DLC1: variants seen among roughly 807,000 people sequenced by gnomAD.
The protein encoded by DLC1 is DLC1 Rho GTPase activating protein.
In DLC1, 54 loss-of-function variants were observed where a neutral mutation model predicts 140.3. That is an observed-to-expected ratio of 0.38 (90% CI 0.31 to 0.48). The LOEUF is 0.48. Ranked by LOEUF, DLC1 falls within the 20% of genes least tolerant of loss-of-function variation. DLC1 has a pLI of 0.96. For missense variants in DLC1, 2,536 were observed against 1,907.0 expected, an observed-to-expected ratio of 1.33 and a Z score of -6.14; for synonymous variants, 986 against 728.1, an observed-to-expected ratio of 1.35 and a Z score of -5.70.
At chr8:13,365,217 A>G (rs1464795328) in intron 4 of DLC1, among the ~76,000 whole-genome samples, 2 of 152,180 alleles carry the variant, frequency 1.3e-5, no homozygotes, top group Non-Finnish European at 2.9e-5. Context: ...TTAAATTAGG[A>G]GAAAAATACT....
intron 5 of DLC1, among the ~76,000 whole-genome samples, chr8:13,165,185 G>T (rs1825021868): frequency 1.3e-5 from 2 of 152,108 alleles, no homozygotes; most frequent in South Asian, 2.1e-4. Context: ...TATAATGAAA[G>T]AATTATCTGA....
intron 5 of DLC1, among the ~76,000 whole-genome samples, chr8:13,121,067 G>C (rs1278842839): frequency 1.3e-5 from 2 of 152,104 alleles, no homozygotes; most frequent in South Asian, 2.1e-4. Flanking sequence ...ATCAGGCTTC[G>C]ATGCAAATGG....
At chr8:13,172,297 A>G (rs1340005863) in intron 5 of DLC1, among the ~76,000 whole-genome samples, 1 of 152,192 alleles carries the variant, frequency 6.6e-6, no homozygotes. Flanking sequence ...CTGGAGCCTC[A>G]ATACTAAAAC....
intron 2 of DLC1, among the ~76,000 whole-genome samples, chr8:13,405,753 A>T (rs1000139161): frequency 1.3e-5 from 2 of 151,956 alleles, no homozygotes; most frequent in Middle Eastern, 3.2e-3. Context: ...TACAACATTA[A>T]TTGCAAGAAA....
chr8:13,102,714 C>G (rs1181798560), intron 8 of DLC1, 76 bp downstream of exon 8: 26 of 1,301,774 alleles, frequency 2.0e-5, no homozygotes, highest in Non-Finnish European at 2.9e-5. Flanking sequence ...GAAACAAAAC[C>G]TATTACAAAA....
chr8:13,552,115 A>ATATATATATATATATATATC (rs1803884376), intron 1 of DLC1, among the ~76,000 whole-genome samples: 1 of 101,700 alleles, frequency 9.8e-6, no homozygotes, highest in Non-Finnish European at 2.0e-5. Context: ...AGAGGTGTAT[A>ATATATATATATATATATATC]TATATATATA....
At chr8:13,408,580 G>T (rs1269430898) in intron 2 of DLC1, among the ~76,000 whole-genome samples, 2 of 152,174 alleles carry the variant, frequency 1.3e-5, no homozygotes, top group Non-Finnish European at 2.9e-5. Flanking sequence ...AACCGGCGGG[G>T]AGAACTGAGG....
intron 5 of DLC1, among the ~76,000 whole-genome samples, chr8:13,144,717 A>G (rs557959207): frequency 6.6e-6 from 1 of 152,318 alleles, no homozygotes; most frequent in East Asian, 1.9e-4. Context: ...GTGAGCCGAG[A>G]TTGCACCACT....
intron 5 of DLC1, among the ~76,000 whole-genome samples, chr8:13,162,174 G>C (rs1357257344): frequency 6.6e-6 from 1 of 152,200 alleles, no homozygotes; most frequent in Non-Finnish European, 1.5e-5. Context: ...GACTACTTAA[G>C]AGAAACATAA....
chr8:13,123,636 C>T (rs913435673), intron 5 of DLC1, among the ~76,000 whole-genome samples: 1 of 152,046 alleles, frequency 6.6e-6, no homozygotes, highest in Non-Finnish European at 1.5e-5. Flanking sequence ...CTGGCGTGGG[C>T]CGTGGCACCT....
At chr8:13,187,980 T>C (rs997340660) in intron 5 of DLC1, among the ~76,000 whole-genome samples, 2 of 152,114 alleles carry the variant, frequency 1.3e-5, no homozygotes, top group Non-Finnish European at 2.9e-5. Context: ...TTCTTTTTAA[T>C]GGAAAAGTAC....
In DLC1 at chr8:13,529,903, A is replaced by C. The variant is rs116507651; in HGVS notation, c.-125-29707T>G. Among the ~76,000 whole-genome samples the C allele has an allele frequency of 3.9e-3, 598 of 152,314 alleles. 8 individuals are homozygous for C. The highest frequency in any genetic ancestry group is 0.013 in the African/African-American group (555 of 41,558). Reference sequence around the variant, plus strand: ...TTCTATTCCTAACACTATACTGTGAAGAGCTAGGGAAAGAAGGGACGAAAG... The same window carrying C: ...TTCTATTCCTAACACTATACTGTGACGAGCTAGGGAAAGAAGGGACGAAAG... On this transcript the variant is annotated intron_variant, in intron 1 of 1. Transcript: ENST00000631382.
intron 2 of DLC1, among the ~76,000 whole-genome samples, chr8:13,419,125 G>C (rs1838198908): frequency 6.6e-6 from 1 of 152,202 alleles, no homozygotes; most frequent in East Asian, 1.9e-4. Flanking sequence ...CTGATACAAT[G>C]TGGTTTTCTA....
At chr8:13,221,883 AAT>A in intron 5 of DLC1, among the ~76,000 whole-genome samples, 1 of 144,230 alleles carries the variant, frequency 6.9e-6, no homozygotes, top group Non-Finnish European at 1.5e-5. Context: ...TTAATACATT[AAT>A]ATATAATTAT....
At chr8:13,257,439 G>GAAAAAAAAAAAAAAAA (rs34452124) in intron 5 of DLC1, among the ~76,000 whole-genome samples, 1 of 104,468 alleles carries the variant, frequency 9.6e-6, no homozygotes, top group African/African-American at 3.7e-5. Flanking sequence ...CCTGTCTCAG[G>GAAAAAAAAAAAAAAAA]AAAAAAAAAA....
intron 5 of DLC1, among the ~76,000 whole-genome samples, chr8:13,142,956 G>C (rs943530472): frequency 1.3e-5 from 2 of 151,928 alleles, no homozygotes; most frequent in African/African-American, 4.8e-5. Flanking sequence ...GGCTGAGGCA[G>C]GAGAATCACT....
intron 4 of DLC1, among the ~76,000 whole-genome samples, chr8:13,387,986 T>C (rs2117190776): frequency 6.6e-6 from 1 of 152,206 alleles, no homozygotes; most frequent in South Asian, 2.1e-4. Flanking sequence ...CCCAGAAATG[T>C]GTAAATGTAT....
chr8:13,594,440 T>A (rs1805620530), intron 1 of DLC1, among the ~76,000 whole-genome samples: 1 of 152,120 alleles, frequency 6.6e-6, no homozygotes, highest in South Asian at 2.1e-4. Context: ...GTTACTACTA[T>A]CTATCCTCAT....
At chr8:13,193,375 A>G (rs1826868537) in intron 5 of DLC1, among the ~76,000 whole-genome samples, 1 of 152,148 alleles carries the variant, frequency 6.6e-6, no homozygotes, top group South Asian at 2.1e-4. Flanking sequence ...ATTTAGGGCT[A>G]TGTATGATAA....
Sources: allele counts gnomAD v4.1 joint callset (sites outside exome capture counted in the v4.1 genomes callset), GRCh38; gene constraint gnomAD v4.1.1; transcripts MANE v1.5; gene names NCBI Gene and HGNC (gene_info 2026-07-23, HGNC 2026-07-21).